BTLA: variants seen among roughly 807,000 people sequenced by gnomAD.
BTLA encodes B- and T-lymphocyte attenuator.
A neutral mutation model predicts 25.0 loss-of-function variants in BTLA; 11 were observed. The ratio of observed to expected loss-of-function variants is 0.44; its 90% confidence interval spans 0.28 to 0.73. BTLA has a LOEUF of 0.73. Among genes scored for constraint, BTLA ranks in the 30% least tolerant of loss-of-function variants. The probability of loss-of-function intolerance (pLI) is 0.15; values close to 1 mark genes in which losing one functional copy is unlikely to be tolerated. For synonymous variants in BTLA, 104 were observed against 119.8 expected (o/e 0.87, Z 0.86); for missense variants, 282 against 332.8 (o/e 0.85, Z 1.19).
At chr3:112,472,420 G>A (rs1356031848) in intron 2 of BTLA, among the ~76,000 whole-genome samples, 1 of 152,020 alleles carries the variant, frequency 6.6e-6, no homozygotes, top group Non-Finnish European at 1.5e-5. Context: ...TCTAAGGTCT[G>A]GCCTGGTGGC....
chr3:112,474,421 GATTAA>G (rs2082278511), intron 2 of BTLA, among the ~76,000 whole-genome samples: 2 of 151,148 alleles, frequency 1.3e-5, no homozygotes, highest in Admixed American at 6.6e-5. Context: ...TGCACACCTA[GATTAA>G]ATTAGTTTTA....
intron 4 of BTLA, among the ~76,000 whole-genome samples, chr3:112,468,392 T>A (rs780122599): frequency 6.6e-6 from 1 of 152,348 alleles, no homozygotes; most frequent in East Asian, 1.9e-4. Flanking sequence ...ACTAGTTTTA[T>A]GTTAAGAAAT....
chr3:112,494,351 AT>A (rs2082397484), intron 1 of BTLA, among the ~76,000 whole-genome samples: 1 of 152,142 alleles, frequency 6.6e-6, no homozygotes. Flanking sequence ...CAGTATGGCA[AT>A]TCCTCGATCT....
At position 112,463,992 on chromosome 3, in the gene BTLA, T is replaced by C. The variant is rs1030626431; in HGVS notation, c.*2116A>G. ...TGATTTCAAATAAGTTTTAATAACTTTACCTTCTCATTGAGCACAATCACA... is the reference window on the plus strand; with the variant it reads ...TGATTTCAAATAAGTTTTAATAACTCTACCTTCTCATTGAGCACAATCACA... On this transcript the variant is annotated 3_prime_UTR_variant, in exon 5 of 5. Transcript: ENST00000334529. 14 of 392,614 alleles carry C rather than the reference T, an allele frequency of 3.6e-5. No homozygotes were observed. Among genetic ancestry groups the C allele is most frequent in the Non-Finnish European group, 2.2e-5 (5 of 222,480 alleles). The allele number at this position is 392,614 out of a possible 1,614,324, so 24.3% of individuals were successfully genotyped here. A position where few individuals can be genotyped will look rare whatever the true frequency, so the allele number is the denominator to read the frequency against.
At chr3:112,485,757 T>C (rs1162381295) in intron 1 of BTLA, among the ~76,000 whole-genome samples, 1 of 152,186 alleles carries the variant, frequency 6.6e-6, no homozygotes, top group African/African-American at 2.4e-5. Context: ...CAAGCATTCA[T>C]ATCTGATGAC....
chr3:112,464,894 C>A lies in BTLA; in HGVS notation c.*1214G>T, dbSNP rs562576609. 5.3e-5 allele frequency: 8 copies of A among 151,984 alleles called. No individual in the cohort carries two copies. Among genetic ancestry groups the A allele is most frequent in the Non-Finnish European group, 1.0e-4 (7 of 68,014 alleles). The allele number at this position is 151,984 out of a possible 1,614,324, so 9.4% of individuals were successfully genotyped here. A position where few individuals can be genotyped will look rare whatever the true frequency, so the allele number is the denominator to read the frequency against. ...TGAAATGGATTTTAACCTTTGCTAT[C>A]CACTTTGTATGAAGACTATTACATT... is the stretch of plus-strand genomic sequence containing the variant. On this transcript the variant is annotated 3_prime_UTR_variant, in exon 5 of 5. Coordinates refer to ENST00000334529, the MANE Select transcript of BTLA (RefSeq NM_181780.4).
chr3:112,471,327 G>A lies in BTLA; in HGVS notation c.432C>T (p.Ser144=), dbSNP rs144823890. 1.3e-5 allele frequency: 21 copies of A among 1,613,772 alleles called. No homozygotes were observed. The highest frequency in any genetic ancestry group is 1.8e-5 in the Non-Finnish European group (21 of 1,179,882). The change falls in exon 3 of 5, where the codon TCC becomes TCT. Residue 144 remains serine (S), a synonymous_variant. Coordinates refer to ENST00000334529, the MANE Select transcript of BTLA (RefSeq NM_181780.4). The stretch of plus-strand genomic sequence containing the variant: ...AGGGTCTGCTTGCCATTTCGTCCTT[G>A]GAGGGTCGTTCTGAGGCACTTTTTA... ...TDVKSASERP[S]KDEMASRPWL...
intron 4 of BTLA, among the ~76,000 whole-genome samples, chr3:112,468,247 A>G (rs1405033441): frequency 6.6e-6 from 1 of 152,226 alleles, no homozygotes; most frequent in African/African-American, 2.4e-5. Flanking sequence ...CAAGCACTTT[A>G]TACCCTCAAA....
At chr3:112,478,344 CTT>C (rs1257930498) in intron 2 of BTLA, among the ~76,000 whole-genome samples, 1 of 152,068 alleles carries the variant, frequency 6.6e-6, no homozygotes, top group Non-Finnish European at 1.5e-5. Flanking sequence ...TCTTATACCT[CTT>C]TGGTTAAATT....
At chr3:112,467,089 C>G (rs1384267153) in intron 4 of BTLA, among the ~76,000 whole-genome samples, 2 of 151,984 alleles carry the variant, frequency 1.3e-5, no homozygotes, top group Admixed American at 6.6e-5. Flanking sequence ...TCCCGAGTAG[C>G]TGGGACTACA....
At chr3:112,478,364 A>G (rs1385867424) in intron 2 of BTLA, among the ~76,000 whole-genome samples, 1 of 152,068 alleles carries the variant, frequency 6.6e-6, no homozygotes, top group Non-Finnish European at 1.5e-5. Context: ...ATTTGTACTT[A>G]AATATTTTAT....
intron 1 of BTLA, among the ~76,000 whole-genome samples, chr3:112,484,709 C>T (rs1391514664): frequency 1.3e-5 from 2 of 152,116 alleles, no homozygotes; most frequent in Admixed American, 6.5e-5. Flanking sequence ...CGGAGCAGTG[C>T]GCAAAGTGGG....
In BTLA at chr3:112,479,762, T is replaced by C; in HGVS notation, c.96A>G (p.Glu32=). 1 of 1,584,634 alleles carries C rather than the reference T, an allele frequency of 6.3e-7. No individual in the cohort carries two copies. The highest frequency in any genetic ancestry group is 8.6e-7 in the Non-Finnish European group (1 of 1,165,582). ...YLDIWNIHGK[E]SCDVQLYIKR... is the part of the protein sequence containing the mutation. ...TTATATAAAGCTGTACATCACATGATTCTTTCCCTAAAAGATAAAAACAAA... is the reference window on the plus strand; with the variant it reads ...TTATATAAAGCTGTACATCACATGACTCTTTCCCTAAAAGATAAAAACAAA... Residue 32 remains glutamate, a synonymous_variant, in exon 2 of 5, where the codon GAA becomes GAG. Coordinates refer to ENST00000334529, the MANE Select transcript of BTLA (RefSeq NM_181780.4).
rs866010902 is a variant in BTLA at position 112,499,338 on chromosome 3, C to A, written c.21G>T (p.Met7Ile). 1.2e-6 allele frequency: 2 copies of A among 1,613,628 alleles called. No individual in the cohort carries two copies. Among genetic ancestry groups the A allele is most frequent in the African/African-American group, 1.3e-5 (1 of 74,832 alleles). ...CCCAAAATAATTTCCCAGTTCCAAG[C>A]ATGGCAGGCAATGTCTTCATTTCCT... MKTLPA[M>I]LGTGKLFWVF... Residue 7 changes from methionine to isoleucine, a missense_variant, in exon 1 of 5, where the codon ATG (methionine) becomes ATT (isoleucine). Coordinates refer to ENST00000334529, the MANE Select transcript of BTLA (RefSeq NM_181780.4).
chr3:112,489,735 A>T (rs914134857), intron 1 of BTLA, among the ~76,000 whole-genome samples: 15 of 152,240 alleles, frequency 9.9e-5, no homozygotes, highest in Non-Finnish European at 1.5e-4. Flanking sequence ...AACAACAAGC[A>T]AACCAAAACT....
Position 112,499,315 on chromosome 3 carries a change from C to G in BTLA, c.44G>C (p.Trp15Ser). 6.2e-7 allele frequency: 1 copy of G among 1,613,580 alleles called. No individual in the cohort carries two copies. Among genetic ancestry groups the G allele is most frequent in the Non-Finnish European group, 8.5e-7 (1 of 1,179,730 alleles). The change falls in exon 1 of 5, where the codon TGG becomes TCG. Residue 15 changes from tryptophan (W) to serine (S), a missense_variant. Physicochemically the swap from Trp to Ser is radical, Grantham distance 177. This residue lies in a region of BTLA where 163 missense variants were observed against 230.4 expected (regional missense o/e 0.71). Transcript: ENST00000334529. ...CAGATATGGGATTAAGAAGAAGACCCAAAATAATTTCCCAGTTCCAAGCAT... is the reference window on the plus strand; with the variant it reads ...CAGATATGGGATTAAGAAGAAGACCGAAAATAATTTCCCAGTTCCAAGCAT... ...PAMLGTGKLF[W>S]VFFLIPYLDI...
chr3:112,497,257 C>T (rs1245646404), intron 1 of BTLA, among the ~76,000 whole-genome samples: 1 of 152,184 alleles, frequency 6.6e-6, no homozygotes, highest in Non-Finnish European at 1.5e-5. Context: ...CTATGCGAGG[C>T]ACTTTACCCA....
At chr3:112,483,384 G>A (rs533284937) in intron 1 of BTLA, among the ~76,000 whole-genome samples, 16 of 151,782 alleles carry the variant, frequency 1.1e-4, no homozygotes, top group Non-Finnish European at 1.8e-4. Flanking sequence ...CCAACCTGAG[G>A]TGATCAGCTC....
At chr3:112,466,685 A>G (rs1025604875) in intron 4 of BTLA, among the ~76,000 whole-genome samples, 35 of 152,182 alleles carry the variant, frequency 2.3e-4, no homozygotes, top group African/African-American at 7.2e-4. Context: ...GCCCAAATTG[A>G]TGGAAAAAGC....
Sources: allele counts gnomAD v4.1 joint callset (sites outside exome capture counted in the v4.1 genomes callset), GRCh38; gene constraint gnomAD v4.1.1; regional missense constraint gnomAD v4.1.1; transcripts MANE v1.5; gene names NCBI Gene and HGNC (gene_info 2026-07-23, HGNC 2026-07-21).